Variants in EGLN1 observed in about 807,000 individuals in gnomAD.
EGLN1 encodes egl-9 family hypoxia inducible factor 1.
In EGLN1, 17 loss-of-function variants were observed where a neutral mutation model predicts 38.3. The observed-to-expected ratio is 0.44, with a 90% CI of 0.30 to 0.67. The LOEUF (loss-of-function observed/expected upper bound fraction) is 0.67, where lower values mean the gene tolerates loss of function less well. Ranked by LOEUF, EGLN1 falls within the 30% of genes least tolerant of loss-of-function variation. The pLI is 0.08. For synonymous variants in EGLN1, 283 were observed against 257.5 expected (o/e 1.10, Z -0.95); for missense variants, 477 against 603.3 (o/e 0.79, Z 2.19).
intron 1 of EGLN1, among the ~76,000 whole-genome samples, chr1:231,389,730 C>T (rs779500965): frequency 6.6e-6 from 1 of 152,152 alleles, no homozygotes; most frequent in Non-Finnish European, 1.5e-5. Flanking sequence ...AGGCGGGTCA[C>T]GAGGTCAAGA....
chr1:231,389,711 G>T (rs1329015532), intron 1 of EGLN1, among the ~76,000 whole-genome samples: 1 of 152,170 alleles, frequency 6.6e-6, no homozygotes, highest in Non-Finnish European at 1.5e-5. Context: ...CACTTTGGGG[G>T]GCCGAGGCAG....
At chr1:231,414,933 C>T (rs527597395) in intron 1 of EGLN1, among the ~76,000 whole-genome samples, 3 of 151,914 alleles carry the variant, frequency 2.0e-5, no homozygotes, top group Admixed American at 6.6e-5. Flanking sequence ...ATGGGTTTCA[C>T]CACGTTGCCC....
At chr1:231,414,583 TTAGG>T (rs1428457298) in intron 1 of EGLN1, among the ~76,000 whole-genome samples, 2 of 151,804 alleles carry the variant, frequency 1.3e-5, no homozygotes, top group Admixed American at 6.6e-5. Flanking sequence ...TTTAAGAAAA[TTAGG>T]TAGGAGAAAA....
chr1:231,397,725 A>G (rs1437501476), intron 1 of EGLN1, among the ~76,000 whole-genome samples: 1 of 152,244 alleles, frequency 6.6e-6, no homozygotes, highest in East Asian at 1.9e-4. Context: ...AAAATATTTA[A>G]CTTAATAAAT....
intron 1 of EGLN1, chr1:231,420,310 G>A (rs1656533390): frequency 6.6e-6 from 1 of 152,344 alleles, no homozygotes; most frequent in African/African-American, 2.4e-5. Flanking sequence ...GGAAACTGGT[G>A]CTAAAAATGT....
rs1476639613 is a variant in EGLN1, at chr1:231,417,084, T to C, written c.891+3914A>G. Among the ~76,000 whole-genome samples the C allele has an allele frequency of 8.5e-5, 13 of 152,348 alleles. No individual in the cohort carries two copies. In the East Asian group the frequency reaches 2.3e-3, roughly 27 times the overall value. ...GGATGCCAGCATGGTCTGGTACTGA[T>C]GAGGGCTCTCTTCCTGGGTCAGTTT... On this transcript the variant is annotated intron_variant, in intron 1 of 4. Coordinates refer to ENST00000366641, the MANE Select transcript of EGLN1 (RefSeq NM_022051.3).
chr1:231,382,488 T>C (rs1396123721), intron 1 of EGLN1, among the ~76,000 whole-genome samples: 5 of 152,220 alleles, frequency 3.3e-5, no homozygotes, highest in Admixed American at 3.3e-4. Flanking sequence ...GTAATTAACA[T>C]AGTGGATATT....
intron 1 of EGLN1, among the ~76,000 whole-genome samples, chr1:231,386,117 G>GTTTTTT (rs35724479): frequency 6.7e-6 from 1 of 149,528 alleles, no homozygotes; most frequent in Non-Finnish European, 1.5e-5. Context: ...TGCCCGGCTG[G>GTTTTTT]TTTTTTTTTT....
chr1:231,421,570 C>A lies in EGLN1; in HGVS notation c.319G>T (p.Ala107Ser), dbSNP rs531081279. 51 of 1,308,656 alleles carry A rather than the reference C, an allele frequency of 3.9e-5. No homozygotes were observed. In the East Asian group the frequency reaches 1.6e-3, roughly 40 times the overall value. 81.1% of individuals were successfully genotyped at this position (1,308,656 alleles called of 1,614,324 possible). The stretch of plus-strand genomic sequence containing the variant: ...TTGGCCTTTACTTTTCCCTTGGCCG[C>A]GTCCCCGGAGGCGTTGTCCCGGCGC... ...AARRDNASGD[A>S]AKGKVKAKPP... is the part of the protein sequence containing the mutation. The change falls in exon 1 of 5, where the codon GCG (alanine) becomes TCG (serine). Residue 107 changes from alanine (A) to serine (S), a missense_variant. Ala to Ser is a moderately conservative substitution (Grantham distance 99, BLOSUM62 1). Coordinates refer to ENST00000366641, the MANE Select transcript of EGLN1 (RefSeq NM_022051.3). The surrounding 1 kb of genome is among the most constrained non-coding windows in gnomAD (Gnocchi z 5.5).
chr1:231,392,027 C>T (rs2102916664), intron 1 of EGLN1, among the ~76,000 whole-genome samples: 1 of 152,314 alleles, frequency 6.6e-6, no homozygotes, highest in East Asian at 1.9e-4. Context: ...GTGGCTCACG[C>T]CTGTAATCCC....
At chr1:231,414,422 A>G (rs2808614) in intron 1 of EGLN1, among the ~76,000 whole-genome samples, 72,150 of 151,562 alleles carry the variant, frequency 0.48, 19,249 homozygotes, top group African/African-American at 0.74. Flanking sequence ...GCCTGATGGG[A>G]GAGAAAAGGG....
In EGLN1 at chr1:231,366,244, C is replaced by T; in HGVS notation, c.*167G>A. On this transcript the variant is annotated 3_prime_UTR_variant, in exon 5 of 5. Transcript: ENST00000366641. ...AAGTTGATCATGCAGTACAAAGTCA[C>T]AGCAGTCAAAATCTTCTGTTTGATG... The T allele has an allele frequency of 1.4e-6, 1 of 697,722 alleles. No individual in the cohort carries two copies. The highest frequency in any genetic ancestry group is 1.7e-5 in the South Asian group (1 of 57,994). The allele number at this position is 697,722 out of a possible 1,614,324, so 43.2% of individuals were successfully genotyped here.
chr1:231,369,217 G>A (rs1558377408), intron 3 of EGLN1, among the ~76,000 whole-genome samples: 1 of 152,026 alleles, frequency 6.6e-6, no homozygotes, highest in Non-Finnish European at 1.5e-5. Context: ...TCCTCACCTA[G>A]GCCAGCTGAG....
chr1:231,388,974 T>C (rs1021319113), intron 1 of EGLN1, among the ~76,000 whole-genome samples: 2 of 152,204 alleles, frequency 1.3e-5, no homozygotes, highest in Non-Finnish European at 2.9e-5. Context: ...TATATTTTTA[T>C]CAATGATTTT....
intron 1 of EGLN1, among the ~76,000 whole-genome samples, chr1:231,392,154 G>T (rs1688406902): frequency 6.6e-6 from 1 of 152,196 alleles, no homozygotes; most frequent in African/African-American, 2.4e-5. Context: ...GGATGTGGTG[G>T]TGGGCGCCTG....
intron 2 of EGLN1, among the ~76,000 whole-genome samples, chr1:231,372,689 C>G (rs1687858544): frequency 6.6e-6 from 1 of 152,172 alleles, no homozygotes; most frequent in Non-Finnish European, 1.5e-5. Flanking sequence ...AATATATACT[C>G]AGCAGAAAGG....
chr1:231,410,257 C>T (rs1034074572), intron 1 of EGLN1, among the ~76,000 whole-genome samples: 7 of 151,960 alleles, frequency 4.6e-5, no homozygotes, highest in African/African-American at 7.2e-5. Context: ...ACACTATTGC[C>T]TTTTTGGCTT....
chr1:231,389,280 G>A (rs1374828317), intron 1 of EGLN1, among the ~76,000 whole-genome samples: 1 of 152,206 alleles, frequency 6.6e-6, no homozygotes, highest in Non-Finnish European at 1.5e-5. Context: ...ATCCCTGGAA[G>A]GCAGGTTTTA....
intron 1 of EGLN1, among the ~76,000 whole-genome samples, chr1:231,384,982 G>A (rs371093816): frequency 6.6e-6 from 1 of 152,178 alleles, no homozygotes; most frequent in South Asian, 2.1e-4. Flanking sequence ...AAGAGTGGAA[G>A]GCAGAAGAGT....
Sources: allele counts gnomAD v4.1 joint callset (sites outside exome capture counted in the v4.1 genomes callset), GRCh38; gene constraint gnomAD v4.1.1; non-coding constraint Gnocchi (gnomAD v3.1); transcripts MANE v1.5; gene names NCBI Gene and HGNC (gene_info 2026-07-23, HGNC 2026-07-21).